Variants in ATF1 observed in about 807,000 individuals in gnomAD.
The protein encoded by ATF1 is cyclic AMP-dependent transcription factor ATF-1.
A neutral mutation model predicts 34.7 loss-of-function variants in ATF1; 16 were observed. The observed-to-expected ratio is 0.46, with a 90% CI of 0.31 to 0.70. The LOEUF (loss-of-function observed/expected upper bound fraction) is 0.70. Among genes scored for constraint, ATF1 ranks in the 30% least tolerant of loss-of-function variants. ATF1 has a pLI of 0.05. For missense variants in ATF1, 255 were observed against 321.6 expected (o/e 0.79, Z 1.58); for synonymous variants, 105 against 113.1 (o/e 0.93, Z 0.46).
intron 2 of ATF1, among the ~76,000 whole-genome samples, chr12:50,788,031 G>A (rs1941222008): frequency 6.6e-6 from 1 of 152,152 alleles, no homozygotes; most frequent in Non-Finnish European, 1.5e-5. Context: ...AGCATTTGGA[G>A]TTTGGGGACA....
intron 3 of ATF1, among the ~76,000 whole-genome samples, chr12:50,807,740 C>G (rs1223979825): frequency 6.7e-6 from 1 of 150,138 alleles, no homozygotes; most frequent in East Asian, 1.9e-4. Context: ...TTTCTTTTTT[C>G]TTTTTTCAGA....
At chr12:50,779,941 ATTAAAC>A (rs879618098) in intron 1 of ATF1, among the ~76,000 whole-genome samples, 193 bp from the exon 2 acceptor site, 5 of 152,302 alleles carry the variant, frequency 3.3e-5, no homozygotes, top group African/African-American at 7.2e-5. Context: ...TGTGCCTTTT[ATTAAAC>A]TTAAACATGT....
chr12:50,776,546 G>A (rs1446071139), intron 1 of ATF1, among the ~76,000 whole-genome samples: 2 of 149,366 alleles, frequency 1.3e-5, no homozygotes, highest in Non-Finnish European at 3.0e-5. Context: ...GTAAATGGAT[G>A]GACAAATGAT....
Position 50,814,135 on chromosome 12 carries a change from G to A in ATF1, c.454G>A (p.Ala152Thr), listed in dbSNP as rs1384436268. 1 of 1,614,196 alleles carries A rather than the reference G, an allele frequency of 6.2e-7. No homozygotes were observed. Among genetic ancestry groups the A allele is most frequent in the Admixed American group, 1.7e-5 (1 of 60,022 alleles). Residue 152 changes from alanine (A) to threonine (T), a missense_variant, in exon 5 of 7, where the codon GCA (alanine) becomes ACA (threonine). Ala to Thr is a moderately conservative substitution (Grantham distance 58, BLOSUM62 0). Around this residue, in one of 2 missense-constraint regions of ATF1, gnomAD observed 221 missense variants for 250.7 expected, o/e 0.88. Transcript: ENST00000262053. ...TQQGTTILQY[A>T]QTSDGQQILV... ...GCAAGGTACAACTATTCTTCAGTAT[G>A]CACAGACCTCTGATGGACAGCAGAT...
intron 1 of ATF1, among the ~76,000 whole-genome samples, chr12:50,772,318 C>CTTTTTTTTTT (rs71086475): frequency 8.6e-6 from 1 of 116,032 alleles, no homozygotes. Context: ...TGCTCCATTC[C>CTTTTTTTTTT]TTTTTTTTTT....
intron 2 of ATF1, among the ~76,000 whole-genome samples, chr12:50,793,816 C>T (rs1173684023): frequency 6.6e-6 from 1 of 151,790 alleles, no homozygotes; most frequent in African/African-American, 2.4e-5. Flanking sequence ...AAGGAAATAA[C>T]ATATAAAAGA....
chr12:50,807,614 A>G (rs1941640339), intron 3 of ATF1, among the ~76,000 whole-genome samples: 1 of 152,088 alleles, frequency 6.6e-6, no homozygotes, highest in Admixed American at 6.6e-5. Context: ...AAAATAAAAT[A>G]GCCATTTTCA....
At chr12:50,764,339 T>A (rs1940568592) in intron 1 of ATF1, 32 bp downstream of exon 1, 1 of 147,716 alleles carries the variant, frequency 6.8e-6, no homozygotes, top group Non-Finnish European at 1.5e-5. Flanking sequence ...ACGTGCCCCG[T>A]GGCCCGGGCG....
chr12:50,818,555 G>A (rs1941887721), intron 6 of ATF1, among the ~76,000 whole-genome samples: 2 of 152,224 alleles, frequency 1.3e-5, no homozygotes, highest in African/African-American at 4.8e-5. Flanking sequence ...TAAAAAGCAA[G>A]TTGCAAATAG....
chr12:50,795,771 C>T, intron 2 of ATF1, 138 bp from the exon 3 acceptor site: 1 of 699,146 alleles, frequency 1.4e-6, no homozygotes, highest in South Asian at 1.9e-5. Flanking sequence ...CCTTTTGTTC[C>T]TTTCTTTTAG....
At chr12:50,782,357 G>A (rs1034040815) in intron 2 of ATF1, among the ~76,000 whole-genome samples, 14 of 151,720 alleles carry the variant, frequency 9.2e-5, no homozygotes, top group African/African-American at 3.4e-4. Flanking sequence ...CCAGGTTCAC[G>A]CCATTCTCCT....
At chr12:50,778,520 G>A (rs1287183931) in intron 1 of ATF1, among the ~76,000 whole-genome samples, 1 of 151,972 alleles carries the variant, frequency 6.6e-6, no homozygotes, top group African/African-American at 2.4e-5. Context: ...ACCGCGCCTG[G>A]CCATATTAAC....
chr12:50,799,171 G>C (rs956507192), intron 3 of ATF1, among the ~76,000 whole-genome samples: 10 of 152,122 alleles, frequency 6.6e-5, no homozygotes, highest in Admixed American at 6.5e-5. Flanking sequence ...GACTACTTGA[G>C]TCCAGGAATT....
chr12:50,800,643 C>T (rs570246453), intron 3 of ATF1, among the ~76,000 whole-genome samples: 30 of 152,198 alleles, frequency 2.0e-4, no homozygotes, highest in Admixed American at 3.9e-4. Context: ...TGTGACCATG[C>T]GAGGGATCTA....
At chr12:50,810,227 T>G (rs1354565044) in intron 4 of ATF1, among the ~76,000 whole-genome samples, 1 of 151,350 alleles carries the variant, frequency 6.6e-6, no homozygotes, top group Non-Finnish European at 1.5e-5. Context: ...GGCTTTTTTT[T>G]TTTTTTTTGA....
chr12:50,772,038 C>T (rs1011719878), intron 1 of ATF1, among the ~76,000 whole-genome samples: 3 of 152,122 alleles, frequency 2.0e-5, no homozygotes, highest in Admixed American at 1.3e-4. Context: ...TCTTTTATTC[C>T]TTTACTTTCT....
At chr12:50,810,019 A>G (rs1941702015) in intron 4 of ATF1, among the ~76,000 whole-genome samples, 2 of 151,398 alleles carry the variant, frequency 1.3e-5, no homozygotes, top group African/African-American at 4.9e-5. Flanking sequence ...TTTTTAGTAG[A>G]GAGGAGGTTT....
At chr12:50,786,973 C>G (rs970656508) in intron 2 of ATF1, among the ~76,000 whole-genome samples, 1 of 152,156 alleles carries the variant, frequency 6.6e-6, no homozygotes, top group African/African-American at 2.4e-5. Flanking sequence ...ACCAGCCCCA[C>G]CCTAAGCAGA....
chr12:50,781,466 T>C (rs1176645162), intron 2 of ATF1, among the ~76,000 whole-genome samples: 1 of 152,152 alleles, frequency 6.6e-6, no homozygotes, highest in Non-Finnish European at 1.5e-5. Context: ...GTTTTTGTTT[T>C]TCAAGGCAGG....
Sources: gnomAD v4.1 joint callset for allele counts (sites outside exome capture counted in the v4.1 genomes callset) on GRCh38, gnomAD v4.1.1 for gene constraint, gnomAD v4.1.1 regional missense constraint, MANE v1.5 for transcripts, NCBI Gene and HGNC (gene_info 2026-07-23, HGNC 2026-07-21) for gene names.